The following MYO5A variants were observed in gnomAD, a reference collection of about 807,000 sequenced individuals.
MYO5A encodes unconventional myosin-Va.
MYO5A carries 98 observed loss-of-function variants against 249.7 expected under a neutral mutation model. The ratio of observed to expected loss-of-function variants is 0.39; its 90% CI spans 0.33 to 0.46. The LOEUF (loss-of-function observed/expected upper bound fraction) is 0.46, where lower values mean the gene tolerates loss of function less well. Among genes scored for constraint, MYO5A ranks in the 20% least tolerant of loss-of-function variants. MYO5A has a pLI of 0.98. For synonymous variants in MYO5A, 778 were observed against 810.6 expected (o/e 0.96, Z 0.68); for missense variants, 1,696 against 2,308.8 (o/e 0.73, Z 5.44).
At chr15:52,387,980 T>A in intron 13 of MYO5A, 68 bp from the exon 14 acceptor site, 1 of 1,128,500 alleles carries the variant, frequency 8.9e-7, no homozygotes, top group Non-Finnish European at 1.3e-6. Flanking sequence ...TCATCAATAA[T>A]AAGAATCTTT....
At chr15:52,345,313 G>A (rs2141002698) in intron 30 of MYO5A, among the ~76,000 whole-genome samples, 1 of 152,276 alleles carries the variant, frequency 6.6e-6, no homozygotes, top group South Asian at 2.1e-4. Context: ...CGGGCGCAGT[G>A]GCTCATGCCT....
rs528285853 is a variant in MYO5A, at chr15:52,362,561, AGTGAGCTCTGATCTCCCT to A, written c.3309+1975_3309+1992del. On this transcript the variant is annotated intron_variant, in intron 24 of 41. Transcript: ENST00000399233. ...CTAGTGAAGAAATGAGTGGGAAGCA[AGTGAGCTCTGATCTCCCT>A]TCCTCTGCTTTCTCCTTTTCCCTTC... Among the ~76,000 whole-genome samples, 200 of 152,344 alleles carry A rather than the reference AGTGAGCTCTGATCTCCCT, an allele frequency of 1.3e-3. 1 individual carries two copies. The highest frequency in any genetic ancestry group is 2.5e-3 in the Non-Finnish European group (171 of 68,022).
intron 29 of MYO5A, 50 bp from the exon 30 acceptor site, chr15:52,346,511 T>C: frequency 2.5e-6 from 3 of 1,205,812 alleles, no homozygotes; most frequent in Non-Finnish European, 3.7e-6. Flanking sequence ...TCAAAAGCTT[T>C]GGACATAAAA....
In MYO5A at chr15:52,336,485, G is replaced by C. The variant is rs371219322; in HGVS notation, c.4386C>G (p.Ala1462=). ...RKLKKQLKVF[A]KKIGELEVGQ... is the part of the protein sequence containing the mutation. ...TACCTTCTAGTTCGCCAATTTTTTTGGCAAATACTTTCAGTTGTTTTTTCA... is the reference window on the plus strand; with the variant it reads ...TACCTTCTAGTTCGCCAATTTTTTTCGCAAATACTTTCAGTTGTTTTTTCA... The change falls in exon 34 of 42, where the codon GCC becomes GCG. Residue 1462 remains alanine, a synonymous_variant. Coordinates refer to ENST00000399233, the MANE Select transcript of MYO5A (RefSeq NM_001382347.1). 2.5e-6 allele frequency: 4 copies of C among 1,601,662 alleles called. No individual in the cohort carries two copies. Among genetic ancestry groups the C allele is most frequent in the Non-Finnish European group, 3.4e-6 (4 of 1,171,960 alleles).
chr15:52,430,763 T>C (rs1228216485), intron 2 of MYO5A, among the ~76,000 whole-genome samples: 2 of 152,174 alleles, frequency 1.3e-5, no homozygotes, highest in Non-Finnish European at 2.9e-5. Context: ...TAATAGGGTA[T>C]GGATTAGCAA....
intron 29 of MYO5A, among the ~76,000 whole-genome samples, chr15:52,348,272 T>A (rs2039747479): frequency 6.6e-6 from 1 of 150,640 alleles, no homozygotes; most frequent in Non-Finnish European, 1.5e-5. Context: ...TATAGGAAAA[T>A]TCCAGCAATA....
At chr15:52,324,002 C>CAAAAAAAAAAAAAAAAAAAAAAA (rs56227811) in intron 36 of MYO5A, 1 of 40,250 alleles carries the variant, frequency 2.5e-5, no homozygotes, top group African/African-American at 5.0e-5. Flanking sequence ...GACTCTGTCT[C>CAAAAAAAAAAAAAAAAAAAAAAA]AAAAAAAAAA....
chr15:52,371,533 G>GTAACAT (rs2041114335), intron 21 of MYO5A, among the ~76,000 whole-genome samples: 1 of 152,140 alleles, frequency 6.6e-6, no homozygotes, highest in South Asian at 2.1e-4. Context: ...TGAAAAATAA[G>GTAACAT]TAACATACAA....
intron 1 of MYO5A, among the ~76,000 whole-genome samples, chr15:52,446,885 G>A (rs2075902887): frequency 6.6e-6 from 1 of 152,166 alleles, no homozygotes. Context: ...CTTTTGGAAT[G>A]GGAGAAATGT....
At position 52,504,054 on chromosome 15, in the gene MYO5A, C is replaced by CTCCTTT. The variant is rs1555386579; in HGVS notation, c.27+24725_27+24726insAAAGGA. Among the ~76,000 whole-genome samples the CTCCTTT allele has an allele frequency of 2.1e-3, 254 of 122,856 alleles. 10 individuals carry two copies. Among genetic ancestry groups the CTCCTTT allele is most frequent in the African/African-American group, 4.6e-3 (151 of 32,830 alleles). The allele number at this position is 122,856 out of a possible 152,430, so 80.6% of individuals were successfully genotyped here. On this transcript the variant is annotated intron_variant, in intron 1 of 41. Transcript: ENST00000399233. ...AAGGCTGTTGCTGCTGTTTCTCCTT[C>CTCCTTT]TTTTTTTTTTTTTTTTTTTGCCTTT...
At chr15:52,458,799 AAC>A (rs2076172573) in intron 1 of MYO5A, among the ~76,000 whole-genome samples, 1 of 152,176 alleles carries the variant, frequency 6.6e-6, no homozygotes, top group Non-Finnish European at 1.5e-5. Context: ...TTCATTTTAT[AAC>A]ATTCTTTCAT....
chr15:52,408,071 T>C lies in MYO5A; in HGVS notation c.826A>G (p.Met276Val), dbSNP rs367598685. The C allele has an allele frequency of 1.2e-5, 19 of 1,589,018 alleles. No homozygotes were observed. Among genetic ancestry groups the C allele is most frequent in the Non-Finnish European group, 1.6e-5 (18 of 1,157,996 alleles). ...GCCATATTCATACCTAATCGTAGCA[T>C]TTTAAATTCAGGTAACTTTGCTGAG... is the stretch of plus-strand genomic sequence containing the variant. ...CASAKLPEFKMLRLGNADNFN... is the reference protein window; with the variant it reads ...CASAKLPEFKVLRLGNADNFN... The change falls in exon 7 of 42, where the codon ATG (methionine) becomes GTG (valine). Residue 276 changes from methionine (M) to valine (V), a missense_variant. Around this residue, in one of 5 missense-constraint regions of MYO5A, gnomAD observed 185 missense variants for 204.8 expected, o/e 0.90. Coordinates refer to ENST00000399233, the MANE Select transcript of MYO5A (RefSeq NM_001382347.1).
intron 20 of MYO5A, among the ~76,000 whole-genome samples, chr15:52,374,540 T>C (rs1368487683): frequency 2.6e-5 from 4 of 152,236 alleles, no homozygotes; most frequent in African/African-American, 4.8e-5. Flanking sequence ...CTGGATCACA[T>C]GGGTGGAACC....
At chr15:52,374,857 A>G (rs1285090911) in intron 20 of MYO5A, among the ~76,000 whole-genome samples, 1 of 149,978 alleles carries the variant, frequency 6.7e-6, no homozygotes, top group African/African-American at 2.5e-5. Context: ...ATAATTTATT[A>G]TAGCAGCCAC....
In MYO5A at chr15:52,351,338, C is replaced by T. The variant is rs984989488; in HGVS notation, c.3765G>A (p.Val1255=). 34 of 1,614,218 alleles carry T rather than the reference C, an allele frequency of 2.1e-5. No homozygotes were observed. Among genetic ancestry groups the T allele is most frequent in the Non-Finnish European group, 2.9e-5 (34 of 1,180,044 alleles). Residue 1255 remains valine, a synonymous_variant, in exon 28 of 42, where the codon GTG becomes GTA. Transcript: ENST00000399233. ...CCTTGCGGACATCAAGCTCCTCGCTCACAGAGGTCAGCTGCTCCATGAGGA... is the reference window on the plus strand; with the variant it reads ...CCTTGCGGACATCAAGCTCCTCGCTTACAGAGGTCAGCTGCTCCATGAGGA... ...YRVLMEQLTS[V]SEELDVRKEE...
chr15:52,379,074 C>T (rs1223322885), intron 18 of MYO5A, among the ~76,000 whole-genome samples: 1 of 152,180 alleles, frequency 6.6e-6, no homozygotes, highest in African/African-American at 2.4e-5. Context: ...GCTCTTACTC[C>T]CTCTTATAAT....
chr15:52,316,201 TC>T (rs2038002289), intron 40 of MYO5A, among the ~76,000 whole-genome samples: 2 of 113,954 alleles, frequency 1.8e-5, no homozygotes, highest in African/African-American at 7.0e-5. Flanking sequence ...ACCACTGCAC[TC>T]CAACCTGGGC....
chr15:52,330,911 G>C (rs1295244853), intron 34 of MYO5A, among the ~76,000 whole-genome samples: 1 of 152,066 alleles, frequency 6.6e-6, no homozygotes, highest in Non-Finnish European at 1.5e-5. Context: ...CCTACAAAGG[G>C]GCAGAAGGAG....
At chr15:52,389,005 AAC>A (rs919060902) in intron 13 of MYO5A, among the ~76,000 whole-genome samples, 5 of 152,182 alleles carry the variant, frequency 3.3e-5, no homozygotes, top group Non-Finnish European at 4.4e-5. Flanking sequence ...TTAAAAAAAA[AAC>A]AGTTTACAGA....
Sources: gnomAD v4.1 joint callset for allele counts (sites outside exome capture counted in the v4.1 genomes callset) on GRCh38, gnomAD v4.1.1 for gene constraint, gnomAD v4.1.1 regional missense constraint, MANE v1.5 for transcripts, NCBI Gene and HGNC (gene_info 2026-07-23, HGNC 2026-07-21) for gene names.